The following LPP variants were observed in gnomAD, a reference collection of about 807,000 sequenced individuals.
LPP encodes LIM domain containing preferred translocation partner in lipoma, also known as lipoma-preferred partner.
LPP carries 38 observed loss-of-function variants against 60.4 expected under a neutral mutation model. That is an observed-to-expected ratio of 0.63 (90% CI 0.49 to 0.83). The LOEUF (loss-of-function observed/expected upper bound fraction) is 0.83, where lower values mean the gene tolerates loss of function less well. Among genes scored for constraint, LPP ranks in the 40% least tolerant of loss-of-function variants. The pLI is 0.00. For missense variants in LPP, 902 were observed against 783.6 expected, an observed-to-expected ratio of 1.15 and a Z score of -1.80; for synonymous variants, 328 against 290.8, an observed-to-expected ratio of 1.13 and a Z score of -1.30.
intron 5 of LPP, among the ~76,000 whole-genome samples, chr3:188,496,715 CT>C (rs1810340329): frequency 6.6e-6 from 1 of 152,210 alleles, no homozygotes; most frequent in Admixed American, 6.5e-5. Context: ...GCAGTTGTCA[CT>C]TTCCTTTCCC....
intron 4 of LPP, among the ~76,000 whole-genome samples, chr3:188,429,072 G>C (rs1790247051): frequency 6.6e-6 from 1 of 152,112 alleles, no homozygotes; most frequent in African/African-American, 2.4e-5. Flanking sequence ...GACAGCACTA[G>C]AGTTACCTTG....
chr3:188,211,688 C>G (rs962242794), intron 1 of LPP, among the ~76,000 whole-genome samples: 1 of 152,184 alleles, frequency 6.6e-6, no homozygotes, highest in South Asian at 2.1e-4. Context: ...CAACAGTGTT[C>G]TCTTGAGAGT....
rs185161112 is a variant in LPP, at chr3:188,301,742, C to T, written c.-66-39921C>T. Among the ~76,000 whole-genome samples the T allele has an allele frequency of 1.6e-4, 24 of 152,138 alleles. No homozygotes were observed. The East Asian group carries it at 3.7e-3, about 23-fold the overall frequency. ...AGTGCAGTGGCACGATCATAATTCACTGCAACCTCAATGTCCTGGAGTCAC... is the reference window on the plus strand; with the variant it reads ...AGTGCAGTGGCACGATCATAATTCATTGCAACCTCAATGTCCTGGAGTCAC... On this transcript the variant is annotated intron_variant, in intron 2 of 11. Coordinates refer to ENST00000617246, the MANE Select transcript of LPP (RefSeq NM_001375462.1).
rs889321279 is a variant in LPP, at chr3:188,352,843, A to G, written c.-10+11124A>G. The stretch of plus-strand genomic sequence containing the variant: ...AGAGTAACTCAGTGCAGAGGCAGCG[A>G]CGGGAAAGTGAAGGAGAGTAAGAAG... On this transcript the variant is annotated intron_variant, in intron 3 of 11. Transcript: ENST00000617246. This position sits in a 1 kb window ranked among gnomAD's most constrained non-coding sequence, Gnocchi z 4.4. Among the ~76,000 whole-genome samples the G allele has an allele frequency of 6.6e-6, 1 of 152,212 alleles. No homozygotes were observed. The highest frequency in any genetic ancestry group is 2.4e-5 in the African/African-American group (1 of 41,460).
chr3:188,636,557 G>A (rs757623313), intron 7 of LPP, among the ~76,000 whole-genome samples: 1 of 152,194 alleles, frequency 6.6e-6, no homozygotes, highest in Non-Finnish European at 1.5e-5. Context: ...GCCCACCACA[G>A]CTCAAGGAAG....
intron 8 of LPP, among the ~76,000 whole-genome samples, chr3:188,748,760 G>T (rs1727121388): frequency 6.6e-6 from 1 of 152,156 alleles, no homozygotes; most frequent in Non-Finnish European, 1.5e-5. Context: ...TCCAGCTTGG[G>T]CAACAAGAGC....
At chr3:188,442,555 G>A (rs1033321610) in intron 4 of LPP, among the ~76,000 whole-genome samples, 28 of 152,242 alleles carry the variant, frequency 1.8e-4, no homozygotes, top group Admixed American at 1.6e-3. Context: ...CATTGCTCAC[G>A]TAGTAATGTG....
intron 9 of LPP, among the ~76,000 whole-genome samples, chr3:188,839,869 T>G (rs1355285560): frequency 1.3e-5 from 2 of 152,086 alleles, no homozygotes; most frequent in Non-Finnish European, 2.9e-5. Context: ...AGAGTGAGAC[T>G]CCGTCTCAAA....
intron 9 of LPP, among the ~76,000 whole-genome samples, chr3:188,852,832 A>T (rs941512307): frequency 3.9e-5 from 6 of 152,152 alleles, no homozygotes; most frequent in Non-Finnish European, 7.4e-5. Context: ...AGAGAAAACT[A>T]TATCACATTT....
intron 2 of LPP, among the ~76,000 whole-genome samples, chr3:188,303,285 G>A (rs990379892): frequency 5.3e-5 from 8 of 152,206 alleles, no homozygotes; most frequent in African/African-American, 1.4e-4. Context: ...ACATGCAGTA[G>A]GCTGGATTTG....
intron 4 of LPP, among the ~76,000 whole-genome samples, chr3:188,414,579 C>T (rs1785685348): frequency 6.6e-6 from 1 of 152,080 alleles, no homozygotes; most frequent in South Asian, 2.1e-4. Flanking sequence ...GATCACAATG[C>T]CTCAACACTA....
chr3:188,820,275 GTGTGTGTGTT>G (rs1483824307), intron 9 of LPP, among the ~76,000 whole-genome samples: 2 of 151,958 alleles, frequency 1.3e-5, no homozygotes, highest in African/African-American at 4.8e-5. Context: ...TGGTGTTTGT[GTGTGTGTGTT>G]TGTGTGTGTA....
Position 188,162,786 on chromosome 3 carries a change from G to T in LPP, c.-190+8534G>T, listed in dbSNP as rs78121499. On this transcript the variant is annotated intron_variant, in intron 1 of 11. Coordinates refer to ENST00000617246, the MANE Select transcript of LPP (RefSeq NM_001375462.1). ...TCTGTACATGTGTCCGATTCTGGGTGCCCAGCGGGGCATCTGGCACACAGT... is the reference window on the plus strand; with the variant it reads ...TCTGTACATGTGTCCGATTCTGGGTTCCCAGCGGGGCATCTGGCACACAGT... Among the ~76,000 whole-genome samples the T allele has an allele frequency of 8.1e-3, 1,228 of 152,272 alleles. 13 individuals carry two copies. The highest frequency in any genetic ancestry group is 0.013 in the Non-Finnish European group (902 of 68,036).
intron 6 of LPP, among the ~76,000 whole-genome samples, chr3:188,527,219 G>A (rs190469206): frequency 2.0e-5 from 3 of 151,894 alleles, no homozygotes; most frequent in Admixed American, 6.6e-5. Flanking sequence ...GCGTGGTGGC[G>A]CCCGCCTGTA....
intron 2 of LPP, among the ~76,000 whole-genome samples, chr3:188,252,178 T>TATAC (rs1332654238): frequency 5.3e-5 from 1 of 18,832 alleles, no homozygotes; most frequent in Non-Finnish European, 1.0e-4. Flanking sequence ...AACATATATA[T>TATAC]ATATATATAT....
rs746634661 is a variant in LPP, at chr3:188,419,630, C to T, written c.193+13317C>T. On this transcript the variant is annotated intron_variant, in intron 4 of 11. Transcript: ENST00000617246. ...GTTATGCACTAGGCGTGGTGGCTCA[C>T]GCCTGTAATCCCAGCACTTTGGGAG... Among the ~76,000 whole-genome samples, 11 of 152,304 alleles carry T rather than the reference C, an allele frequency of 7.2e-5. No homozygotes were observed. The East Asian group carries it at 9.7e-4, about 13-fold the overall frequency.
chr3:188,828,640 A>AAAAAAAAC (rs1756306374), intron 9 of LPP, among the ~76,000 whole-genome samples: 1 of 146,976 alleles, frequency 6.8e-6, no homozygotes, highest in African/African-American at 2.5e-5. Flanking sequence ...AAAAAAAAAA[A>AAAAAAAAC]CTCAGCTGCA....
intron 7 of LPP, among the ~76,000 whole-genome samples, chr3:188,627,274 A>G (rs1205811226): frequency 6.6e-6 from 1 of 152,174 alleles, no homozygotes; most frequent in African/African-American, 2.4e-5. Context: ...CATGATGGCA[A>G]GATCAAATGC....
intron 1 of LPP, among the ~76,000 whole-genome samples, chr3:188,207,303 C>G (rs1418607303): frequency 6.8e-6 from 1 of 146,224 alleles, no homozygotes; most frequent in African/African-American, 2.5e-5. Flanking sequence ...ATAATCTTAG[C>G]TGACTGCAAC....
Sources: allele counts gnomAD v4.1 joint callset (sites outside exome capture counted in the v4.1 genomes callset), GRCh38; gene constraint gnomAD v4.1.1; non-coding constraint Gnocchi (gnomAD v3.1); transcripts MANE v1.5; gene names NCBI Gene and HGNC (gene_info 2026-07-23, HGNC 2026-07-21).